The following LRMDA variants were observed in gnomAD, a reference collection of about 807,000 sequenced individuals.
LRMDA encodes leucine rich melanocyte differentiation associated, also known as leucine-rich melanocyte differentiation-associated protein.
A neutral mutation model predicts 29.8 loss-of-function variants in LRMDA; 18 were observed. The observed-to-expected ratio is 0.60, with a 90% CI of 0.42 to 0.90. The LOEUF is 0.90. Ranked by LOEUF, LRMDA falls within the 40% of genes least tolerant of loss-of-function variation. The probability of loss-of-function intolerance (pLI) is 0.00; values close to 1 mark genes in which losing one functional copy is unlikely to be tolerated. For missense variants in LRMDA, 273 were observed against 273.9 expected (o/e 1.00, Z 0.02); for synonymous variants, 125 against 109.4 (o/e 1.14, Z -0.89).
intron 2 of LRMDA, among the ~76,000 whole-genome samples, chr10:75,683,095 T>C (rs548701470): frequency 6.6e-6 from 1 of 152,310 alleles, no homozygotes; most frequent in African/African-American, 2.4e-5. Context: ...TGGGCTGAGC[T>C]TTCTACAGGC....
In LRMDA at chr10:75,699,402, A is replaced by C. The variant is rs572346966; in HGVS notation, c.131+260908A>C. On this transcript the variant is annotated intron_variant, in intron 2 of 6. Transcript: ENST00000611255. ...TCATGTGAGCTCAATGCTGAAAACT[A>C]TCTAGGTGTGTTATCTATAAAAACA... is the stretch of plus-strand genomic sequence containing the variant. 8.5e-5 allele frequency among the ~76,000 whole-genome samples: 13 copies of C among 152,286 alleles called. No homozygotes were observed. The South Asian group carries it at 2.7e-3, about 32-fold the overall frequency.
At chr10:75,684,813 A>G (rs1046935627) in intron 2 of LRMDA, among the ~76,000 whole-genome samples, 25 of 152,226 alleles carry the variant, frequency 1.6e-4, no homozygotes, top group African/African-American at 6.0e-4. Context: ...CACATATTTC[A>G]GGGCTTGAAC....
chr10:75,642,164 G>T (rs1564528969), intron 2 of LRMDA, among the ~76,000 whole-genome samples: 1 of 152,204 alleles, frequency 6.6e-6, no homozygotes, highest in Admixed American at 6.5e-5. Context: ...TTATCTTGGT[G>T]TGAGGCTCAC....
chr10:76,046,396 A>C (rs2132040306), intron 3 of LRMDA, among the ~76,000 whole-genome samples: 1 of 152,238 alleles, frequency 6.6e-6, no homozygotes, highest in African/African-American at 2.4e-5. Context: ...CCCCCCTCTG[A>C]CTTTTCTCTT....
chr10:75,653,315 A>G (rs563166981), intron 2 of LRMDA, among the ~76,000 whole-genome samples: 2 of 152,312 alleles, frequency 1.3e-5, no homozygotes, highest in Admixed American at 1.3e-4. Flanking sequence ...TAGTTCTCAT[A>G]TAATGTGCTG....
chr10:75,498,219 G>A (rs1371086639), intron 2 of LRMDA, among the ~76,000 whole-genome samples: 2 of 152,184 alleles, frequency 1.3e-5, no homozygotes, highest in Non-Finnish European at 2.9e-5. Context: ...TGTACTTAGG[G>A]AATGTGTGGG....
chr10:76,291,464 C>G (rs1355832621), intron 5 of LRMDA, among the ~76,000 whole-genome samples: 2 of 152,178 alleles, frequency 1.3e-5, no homozygotes, highest in Non-Finnish European at 2.9e-5. Context: ...TAACACCTGG[C>G]TGTCTGGAAT....
At chr10:75,730,504 C>A (rs578062609) in intron 2 of LRMDA, among the ~76,000 whole-genome samples, 3 of 152,140 alleles carry the variant, frequency 2.0e-5, no homozygotes, top group Non-Finnish European at 4.4e-5. Context: ...TACTGATGAG[C>A]GCGTCATATG....
chr10:75,565,348 G>T (rs1360520372), intron 2 of LRMDA, among the ~76,000 whole-genome samples: 1 of 152,174 alleles, frequency 6.6e-6, no homozygotes, highest in Non-Finnish European at 1.5e-5. Context: ...CTTTCACTGG[G>T]GATTACCTGG....
intron 2 of LRMDA, among the ~76,000 whole-genome samples, chr10:75,712,058 G>A (rs1842442912): frequency 1.3e-5 from 2 of 152,032 alleles, no homozygotes; most frequent in Non-Finnish European, 2.9e-5. Context: ...CTCCCGCTTT[G>A]TCCCATAAAC....
At chr10:75,704,548 T>G (rs572740847) in intron 2 of LRMDA, among the ~76,000 whole-genome samples, 2 of 152,196 alleles carry the variant, frequency 1.3e-5, no homozygotes, top group Non-Finnish European at 2.9e-5. Flanking sequence ...TGGTGACCTT[T>G]GTTGGCCGTG....
In LRMDA at chr10:76,444,966, T is replaced by C. The variant is rs1020358786; in HGVS notation, c.602-112243T>C. 1.5e-4 allele frequency among the ~76,000 whole-genome samples: 23 copies of C among 152,312 alleles called. 2 individuals are homozygous for C. The highest frequency in any genetic ancestry group is 4.6e-4 in the Admixed American group (7 of 15,296). On this transcript the variant is annotated intron_variant, in intron 6 of 6. Transcript: ENST00000611255. ...ATATATGTATATTTATATCCATATATATTTATATTCATATGTGTATATAGG... is the reference window on the plus strand; with the variant it reads ...ATATATGTATATTTATATCCATATACATTTATATTCATATGTGTATATAGG...
At chr10:75,720,706 G>A (rs187573308) in intron 2 of LRMDA, among the ~76,000 whole-genome samples, 4 of 152,304 alleles carry the variant, frequency 2.6e-5, no homozygotes, top group Admixed American at 2.6e-4. Context: ...CTCTGTCTCA[G>A]AATCCTTTTA....
chr10:75,443,884 A>T (rs564634012), intron 2 of LRMDA, among the ~76,000 whole-genome samples: 32 of 152,104 alleles, frequency 2.1e-4, no homozygotes, highest in African/African-American at 7.7e-4. Flanking sequence ...GCTTGGGTGA[A>T]TTTTTTTATG....
At chr10:75,593,772 T>G (rs753205746) in intron 2 of LRMDA, among the ~76,000 whole-genome samples, 7 of 151,918 alleles carry the variant, frequency 4.6e-5, no homozygotes, top group Non-Finnish European at 1.0e-4. Context: ...CCTGTCGCCC[T>G]TATTTCCTGG....
Position 75,452,575 on chromosome 10 carries a change from CT to C in LRMDA, c.131+14099del, listed in dbSNP as rs10636455. On this transcript the variant is annotated intron_variant, in intron 2 of 6. Coordinates refer to ENST00000611255, the MANE Select transcript of LRMDA (RefSeq NM_001305581.2). The stretch of plus-strand genomic sequence containing the variant: ...AAAACTCAGTGATTTCAGGATATGA[CT>C]TTTTTTTTTTTTTTTTTAATGTATC... Among the ~76,000 whole-genome samples the C allele has an allele frequency of 2.6e-3, 305 of 117,302 alleles. 3 individuals are homozygous for C. The highest frequency in any genetic ancestry group is 6.4e-3 in the African/African-American group (197 of 30,594). 77.0% of individuals were successfully genotyped at this position (117,302 alleles called of 152,430 possible).
At position 75,649,501 on chromosome 10, in the gene LRMDA, G is replaced by T. The variant is rs1841570386; in HGVS notation, c.131+211007G>T. On this transcript the variant is annotated intron_variant, in intron 2 of 6. Transcript: ENST00000611255. Reference sequence around the variant, plus strand: ...GGCATTTGGATTATTTCCAGTTTTTGGCTATTACAAATAATGCCACTATAT... The same window carrying T: ...GGCATTTGGATTATTTCCAGTTTTTTGCTATTACAAATAATGCCACTATAT... Among the ~76,000 whole-genome samples the T allele has an allele frequency of 2.6e-5, 4 of 151,990 alleles. No individual in the cohort carries two copies. The South Asian group carries it at 8.3e-4, about 32-fold the overall frequency.
chr10:76,438,086 AAAC>A (rs1204677658), intron 6 of LRMDA, among the ~76,000 whole-genome samples: 15 of 152,184 alleles, frequency 9.9e-5, no homozygotes, highest in Non-Finnish European at 4.4e-5. Flanking sequence ...GACATTATCA[AAAC>A]ACAGACGTGT....
chr10:76,003,727 G>A (rs1198858225), intron 2 of LRMDA, among the ~76,000 whole-genome samples: 1 of 152,140 alleles, frequency 6.6e-6, no homozygotes, highest in Non-Finnish European at 1.5e-5. Context: ...AAAATGAACT[G>A]TCTCTGAGCT....
Sources: gnomAD v4.1 joint callset for allele counts (sites outside exome capture counted in the v4.1 genomes callset) on GRCh38, gnomAD v4.1.1 for gene constraint, MANE v1.5 for transcripts, NCBI Gene and HGNC (gene_info 2026-07-23, HGNC 2026-07-21) for gene names.